The following OTULIN variants were observed in gnomAD, a reference collection of about 807,000 sequenced individuals.
OTULIN encodes ubiquitin thioesterase otulin.
Under a neutral mutation model 39.6 loss-of-function variants are expected in OTULIN, and 15 were observed. The observed-to-expected ratio is 0.38, with a 90% confidence interval of 0.25 to 0.58. The LOEUF (loss-of-function observed/expected upper bound fraction) is 0.58, where lower values mean the gene tolerates loss of function less well. Among genes scored for constraint, OTULIN ranks in the 20% least tolerant of loss-of-function variants. OTULIN has a pLI of 0.66. For missense variants in OTULIN, 319 were observed against 445.9 expected, an observed-to-expected ratio of 0.72 and a Z score of 2.56; for synonymous variants, 156 against 170.3, an observed-to-expected ratio of 0.92 and a Z score of 0.65.
intron 5 of OTULIN, 55 bp downstream of exon 5, chr5:14,687,701 C>A (rs1229163743): frequency 6.6e-7 from 1 of 1,511,336 alleles, no homozygotes; most frequent in Non-Finnish European, 8.8e-7. Flanking sequence ...TTCTTGCTTG[C>A]CCCAGAAGAC....
intron 1 of OTULIN, among the ~76,000 whole-genome samples, chr5:14,669,504 G>A (rs932614514): frequency 6.6e-6 from 1 of 152,192 alleles, no homozygotes; most frequent in Non-Finnish European, 1.5e-5. Flanking sequence ...GAGCACGGTG[G>A]CTCACACCTG....
chr5:14,678,653 C>CTTTT, intron 2 of OTULIN, 28 bp from the exon 3 acceptor site: 1 of 1,120,434 alleles, frequency 8.9e-7, no homozygotes, highest in Non-Finnish European at 1.2e-6. Flanking sequence ...TTATTATTTG[C>CTTTT]TTTTTTTTTT....
At chr5:14,707,498 TAATGATTATTCC>T in the OTULIN span, 5 of 152,226 alleles carry the variant, frequency 3.3e-5, no homozygotes, top group African/African-American at 1.2e-4. Context: ...TTACGATATG[TAATGATTATTCC>T]AACCAGGAGA....
At chr5:14,706,826 C>CA in the OTULIN span, 21 of 152,300 alleles carry the variant, frequency 1.4e-4, no homozygotes, top group African/African-American at 4.6e-4. Context: ...ACACGTTGCT[C>CA]AAAAACATGC....
intron 1 of OTULIN, among the ~76,000 whole-genome samples, chr5:14,671,439 C>T (rs569368112): frequency 1.3e-5 from 2 of 152,172 alleles, no homozygotes; most frequent in Non-Finnish European, 1.5e-5. Flanking sequence ...GATAATGATA[C>T]TATGAAAGTG....
At chr5:14,687,729 T>G (rs1736421800) in intron 5 of OTULIN, 83 bp downstream of exon 5, 1 of 1,467,296 alleles carries the variant, frequency 6.8e-7, no homozygotes, top group Non-Finnish European at 9.0e-7. Flanking sequence ...TAGTCTTCAC[T>G]CAGTGGATTT....
At chr5:14,675,940 CAT>C (rs1354303276) in intron 2 of OTULIN, among the ~76,000 whole-genome samples, 3 of 152,184 alleles carry the variant, frequency 2.0e-5, no homozygotes, top group South Asian at 2.1e-4. Context: ...TTTTTTGAAA[CAT>C]ATTAATTTAC....
intron 1 of OTULIN, 34 bp from the exon 2 acceptor site, chr5:14,673,608 G>T: frequency 6.3e-7 from 1 of 1,599,838 alleles, no homozygotes; most frequent in South Asian, 1.1e-5. Context: ...AGTGCAACAA[G>T]TGTTTGAAAA....
At chr5:14,678,298 G>C (rs1736156770) in intron 2 of OTULIN, among the ~76,000 whole-genome samples, 1 of 152,148 alleles carries the variant, frequency 6.6e-6, no homozygotes, top group Admixed American at 6.5e-5. Context: ...CACTCAGTGG[G>C]GAATGGTAGG....
chr5:14,694,512 G>A lies in OTULIN; in HGVS notation c.*1464G>A, dbSNP rs1343285418. 2 of 152,084 alleles carry A rather than the reference G, an allele frequency of 1.3e-5. No individual in the cohort carries two copies. Among genetic ancestry groups the A allele is most frequent in the African/African-American group, 4.8e-5 (2 of 41,408 alleles). 9.4% of individuals were successfully genotyped at this position (152,084 alleles called of 1,614,324 possible). A position where few individuals can be genotyped will look rare whatever the true frequency, so the allele number is the denominator to read the frequency against. On this transcript the variant is annotated 3_prime_UTR_variant, in exon 7 of 7. Coordinates refer to ENST00000284274, the MANE Select transcript of OTULIN (RefSeq NM_138348.6). ...TTTATAATAATTAAAATCCTTATTT[G>A]GTCCAATTTAATATAGTTTAGAAGC...
Position 14,694,083 on chromosome 5 carries a change from C to A in OTULIN, c.*1035C>A, listed in dbSNP as rs1258801099. 2 of 152,226 alleles carry A rather than the reference C, an allele frequency of 1.3e-5. No individual in the cohort carries two copies. The highest frequency in any genetic ancestry group is 4.8e-5 in the African/African-American group (2 of 41,454). The allele number at this position is 152,226 out of a possible 1,614,324, so 9.4% of individuals were successfully genotyped here. A position where few individuals can be genotyped will look rare whatever the true frequency, so the allele number is the denominator to read the frequency against. On this transcript the variant is annotated 3_prime_UTR_variant, in exon 7 of 7. Coordinates refer to ENST00000284274, the MANE Select transcript of OTULIN (RefSeq NM_138348.6). Reference sequence around the variant, plus strand: ...TTTCATGCTGTGTTGGAGGGTGTGTCCACTGCCAGATCTGTGTAACCCGTC... The same window carrying A: ...TTTCATGCTGTGTTGGAGGGTGTGTACACTGCCAGATCTGTGTAACCCGTC...
chr5:14,680,929 A>T (rs979727957), intron 3 of OTULIN, among the ~76,000 whole-genome samples: 17 of 152,152 alleles, frequency 1.1e-4, no homozygotes, highest in African/African-American at 3.6e-4. Flanking sequence ...GCTTGGTGGC[A>T]CATACCTGTA....
chr5:14,686,940 T>G (rs1736401308), intron 4 of OTULIN, among the ~76,000 whole-genome samples: 1 of 152,270 alleles, frequency 6.6e-6, no homozygotes, highest in African/African-American at 2.4e-5. Flanking sequence ...TCTTAATAGA[T>G]CGATTAGATA....
chr5:14,678,830 G>C, intron 3 of OTULIN, 55 bp downstream of exon 3: 1 of 1,149,982 alleles, frequency 8.7e-7, no homozygotes, highest in Non-Finnish European at 1.2e-6. Flanking sequence ...ATCATAAGTT[G>C]TTTAATATGT....
At chr5:14,672,563 G>A (rs901907852) in intron 1 of OTULIN, among the ~76,000 whole-genome samples, 2 of 152,102 alleles carry the variant, frequency 1.3e-5, no homozygotes, top group African/African-American at 4.8e-5. Flanking sequence ...CTTGTGTGAG[G>A]ATGGGGTATG....
rs1736684143 is a variant in OTULIN at position 14,696,874 on chromosome 5, ATGTG to A, written c.*3829_*3832del. On this transcript the variant is annotated 3_prime_UTR_variant, in exon 7 of 7. Transcript: ENST00000284274. ...GTTGAACAGAACAGTGGTTTAGTGA[ATGTG>A]TGAGGAAAGACATGGGCAACTGATT... The A allele has an allele frequency of 6.6e-6, 1 of 152,212 alleles. No homozygotes were observed. Among genetic ancestry groups the A allele is most frequent in the African/African-American group, 2.4e-5 (1 of 41,450 alleles). The allele number at this position is 152,212 out of a possible 1,614,324, so 9.4% of individuals were successfully genotyped here.
the OTULIN span, among the ~76,000 whole-genome samples, chr5:14,712,219 C>T: frequency 6.6e-6 from 1 of 152,272 alleles, no homozygotes; most frequent in Non-Finnish European, 1.5e-5. Context: ...GCACGTCACG[C>T]ACCGTGAGCA....
Position 14,678,683 on chromosome 5 carries a change from C to A in OTULIN, c.232C>A (p.Pro78Thr). The change falls in exon 3 of 7, where the codon CCG becomes ACG. Residue 78 changes from proline (P) to threonine (T), a missense_variant and splice_region_variant. Transcript: ENST00000284274. ...LLIHERGASEPRLSVAPEMDI... is the reference protein window; with the variant it reads ...LLIHERGASETRLSVAPEMDI... ...TTTTTTTTTAAATTCTTTAACAGAA[C>A]CGAGATTAAGCGTAGCTCCTGAAAT... 2.6e-6 allele frequency: 4 copies of A among 1,562,968 alleles called. No individual in the cohort carries two copies. The highest frequency in any genetic ancestry group is 2.1e-5 in the Admixed American group (1 of 48,730).
At chr5:14,713,610 AG>A in the OTULIN span, 1 of 1,614,208 alleles carries the variant, frequency 6.2e-7, no homozygotes, top group Non-Finnish European at 8.5e-7. This position sits in a 1 kb window ranked among gnomAD's most constrained non-coding sequence, Gnocchi z 4.4. Context: ...GCTGGGGGCA[AG>A]GACGAAGGTT....
Sources: allele counts gnomAD v4.1 joint callset (sites outside exome capture counted in the v4.1 genomes callset), GRCh38; gene constraint gnomAD v4.1.1; non-coding constraint Gnocchi (gnomAD v3.1); transcripts MANE v1.5; gene names NCBI Gene and HGNC (gene_info 2026-07-23, HGNC 2026-07-21).